Variants in TEX9 observed in about 807,000 individuals in gnomAD.
TEX9 encodes testis-expressed protein 9.
A neutral mutation model predicts 59.6 loss-of-function variants in TEX9; 74 were observed. The observed-to-expected ratio is 1.24, with a 90% confidence interval of 1.03 to 1.51. The LOEUF is 1.51. Among genes scored for constraint, TEX9 ranks in the 40% most tolerant of loss-of-function variants. The pLI, the probability that TEX9 is intolerant of heterozygous loss-of-function variation, is 0.00. For missense variants in TEX9, 522 were observed against 447.8 expected, an observed-to-expected ratio of 1.17 and a Z score of -1.49; for synonymous variants, 186 against 152.2, an observed-to-expected ratio of 1.22 and a Z score of -1.64.
intron 2 of TEX9, among the ~76,000 whole-genome samples, chr15:56,369,697 G>A (rs1039643051): frequency 6.6e-6 from 1 of 152,042 alleles, no homozygotes; most frequent in African/African-American, 2.4e-5. Flanking sequence ...ACTTATTTGT[G>A]GCCAAGTGCT....
In TEX9 at chr15:56,394,886, T is replaced by C. The variant is rs1238660044; in HGVS notation, c.828+52T>C. ...TAATGCCACAGATACAAGAAAATTATTAAGGTTACACATTTGTATAGATGC... is the reference window on the plus strand; with the variant it reads ...TAATGCCACAGATACAAGAAAATTACTAAGGTTACACATTTGTATAGATGC... On this transcript the variant is annotated intron_variant, in intron 9 of 12. Coordinates refer to ENST00000352903, the Ensembl canonical transcript of TEX9. 4 of 1,547,946 alleles carry C rather than the reference T, an allele frequency of 2.6e-6. No homozygotes were observed. The East Asian group carries it at 9.1e-5, about 35-fold the overall frequency.
chr15:56,340,445 CT>C (rs2046351011), intron 1 of TEX9, among the ~76,000 whole-genome samples: 1 of 152,086 alleles, frequency 6.6e-6, no homozygotes, highest in Non-Finnish European at 1.5e-5. Context: ...AAGGTATTCC[CT>C]TTTGAAGGAA....
At chr15:56,366,042 T>G (rs2046927135) in intron 2 of TEX9, 2 of 427,568 alleles carry the variant, frequency 4.7e-6, no homozygotes, top group African/African-American at 4.3e-5. Flanking sequence ...GAGTTTACCT[T>G]GTGTAAATTT....
intron 10 of TEX9, among the ~76,000 whole-genome samples, chr15:56,417,489 A>G (rs1435864376): frequency 6.6e-6 from 1 of 151,862 alleles, no homozygotes; most frequent in Non-Finnish European, 1.5e-5. Flanking sequence ...ATTTCCATGT[A>G]ACTGCATGGT....
intron 1 of TEX9, among the ~76,000 whole-genome samples, chr15:56,345,867 A>T (rs2046460505): frequency 6.6e-6 from 1 of 152,188 alleles, no homozygotes; most frequent in Non-Finnish European, 1.5e-5. Flanking sequence ...GCTGGACAGC[A>T]TGTTGTTGTA....
At chr15:56,365,095 G>A (rs1472372523), upstream of TEX9, among the ~76,000 whole-genome samples, 1 of 152,180 alleles carries the variant, frequency 6.6e-6, no homozygotes, top group Non-Finnish European at 1.5e-5. Context: ...GGTGAAGGTC[G>A]GATTAGCCAC....
At chr15:56,410,085 G>A (rs1290506116) in intron 9 of TEX9, 9 of 152,080 alleles carry the variant, frequency 5.9e-5, no homozygotes, top group African/African-American at 2.2e-4. Context: ...TAAATGTGTT[G>A]AATAAATGAA....
intron 1 of TEX9, among the ~76,000 whole-genome samples, chr15:56,288,271 A>AT (rs376227935): frequency 1.1e-3 from 160 of 148,260 alleles, no homozygotes; most frequent in Middle Eastern, 3.5e-3. Flanking sequence ...TTCTTTGGTG[A>AT]TTTTTTTTTT....
chr15:56,301,237 T>C (rs2263566), intron 1 of TEX9, among the ~76,000 whole-genome samples: 152,220 of 152,318 alleles, frequency 1, 76,061 homozygotes, highest in Non-Finnish European at 1. Context: ...ATGCATTGGT[T>C]TCTCAACAGC....
intron 12 of TEX9, among the ~76,000 whole-genome samples, chr15:56,438,735 A>C (rs1265477724): frequency 6.6e-6 from 1 of 152,218 alleles, no homozygotes; most frequent in Non-Finnish European, 1.5e-5. Context: ...AAATTTTTGC[A>C]ATCTACCCAT....
chr15:56,348,224 G>A (rs1022334731), intron 1 of TEX9, among the ~76,000 whole-genome samples: 1 of 151,972 alleles, frequency 6.6e-6, no homozygotes, highest in Non-Finnish European at 1.5e-5. Flanking sequence ...TTATATAAAA[G>A]GAGGGGATTA....
chr15:56,458,884 C>T, the TEX9 span, among the ~76,000 whole-genome samples: 1 of 152,142 alleles, frequency 6.6e-6, no homozygotes, highest in African/African-American at 2.4e-5. Flanking sequence ...TAAATTTTGA[C>T]ATTTATAAAT....
chr15:56,408,779 T>C (rs1176093648), intron 9 of TEX9: 1 of 152,236 alleles, frequency 6.6e-6, no homozygotes, highest in East Asian at 1.9e-4. Context: ...TCAAAATACA[T>C]AGAATAAACC....
At chr15:56,311,253 A>C (rs1243929588) in intron 1 of TEX9, among the ~76,000 whole-genome samples, 2 of 130,670 alleles carry the variant, frequency 1.5e-5, no homozygotes, top group Non-Finnish European at 1.6e-5. Flanking sequence ...CTAACTCGTC[A>C]TCTAGCATTA....
intron 9 of TEX9, chr15:56,396,040 G>A (rs995789410): frequency 5.9e-5 from 9 of 152,062 alleles, no homozygotes; most frequent in African/African-American, 2.2e-4. Context: ...AGGGGAGAAT[G>A]TATTTTAAAT....
intron 1 of TEX9, among the ~76,000 whole-genome samples, chr15:56,250,937 C>T (rs562420946): frequency 2.9e-4 from 44 of 152,316 alleles, no homozygotes; most frequent in Admixed American, 5.2e-4. Flanking sequence ...ATTTGAATAG[C>T]TGGGTATGTG....
At chr15:56,435,842 C>A (rs1052549262) in intron 12 of TEX9, among the ~76,000 whole-genome samples, 1 of 151,876 alleles carries the variant, frequency 6.6e-6, no homozygotes, top group Non-Finnish European at 1.5e-5. Flanking sequence ...ACCCCGCTAC[C>A]AATATAAAAA....
chr15:56,391,699 TA>T (rs1168409155), intron 7 of TEX9, among the ~76,000 whole-genome samples: 8 of 151,978 alleles, frequency 5.3e-5, no homozygotes, highest in African/African-American at 1.9e-4. Flanking sequence ...AAAGTAAAAA[TA>T]AAAAAGACTA....
chr15:56,445,189 C>T (rs2050886527), intron 12 of TEX9, among the ~76,000 whole-genome samples: 1 of 151,982 alleles, frequency 6.6e-6, no homozygotes, highest in South Asian at 2.1e-4. Flanking sequence ...TTTCCCCTTT[C>T]TGATTTATTA....
Sources: allele counts gnomAD v4.1 joint callset (sites outside exome capture counted in the v4.1 genomes callset), GRCh38; gene constraint gnomAD v4.1.1; transcripts MANE v1.5; gene names NCBI Gene and HGNC (gene_info 2026-07-23, HGNC 2026-07-21).